ZNF563: variants seen among roughly 807,000 people sequenced by gnomAD.
The protein encoded by ZNF563 is zinc finger protein 563.
Under a neutral mutation model 48.5 loss-of-function variants are expected in ZNF563, and 39 were observed. The observed-to-expected ratio is 0.80, with a 90% CI of 0.62 to 1.05. The LOEUF (loss-of-function observed/expected upper bound fraction) is 1.05. ZNF563 is among the 50% of genes least tolerant of loss of function. The pLI, the probability that ZNF563 is intolerant of heterozygous loss-of-function variation, is 0.00. For synonymous variants in ZNF563, 168 were observed against 187.9 expected (o/e 0.89, Z 0.87); for missense variants, 538 against 597.0 (o/e 0.90, Z 1.03).
At chr19:12,343,959 G>A in the ZNF563 span, among the ~76,000 whole-genome samples, 2 of 151,934 alleles carry the variant, frequency 1.3e-5, no homozygotes, top group South Asian at 4.1e-4. Flanking sequence ...CTGATCTCCT[G>A]ACCTCGTGAT....
intron 1 of ZNF563, among the ~76,000 whole-genome samples, chr19:12,330,691 G>T (rs1001305257): frequency 6.6e-6 from 1 of 152,134 alleles, no homozygotes; most frequent in Non-Finnish European, 1.5e-5. Context: ...GGGACAAATT[G>T]TTATCTCCAG....
the ZNF563 span, among the ~76,000 whole-genome samples, chr19:12,341,642 A>G: frequency 1.3e-5 from 2 of 152,212 alleles, no homozygotes; most frequent in Non-Finnish European, 2.9e-5. Flanking sequence ...TTTATAAAAG[A>G]GTCAATACAT....
intron 1 of ZNF563, among the ~76,000 whole-genome samples, chr19:12,328,615 A>T (rs1407351517): frequency 2.0e-5 from 3 of 152,094 alleles, no homozygotes; most frequent in African/African-American, 4.8e-5. Flanking sequence ...TCTACTAAAA[A>T]TACAAATAGC....
upstream of ZNF563, among the ~76,000 whole-genome samples, chr19:12,336,791 A>G (rs1969025498): frequency 6.6e-6 from 1 of 152,052 alleles, no homozygotes; most frequent in Non-Finnish European, 1.5e-5. Flanking sequence ...GTGCCTGGGG[A>G]TGGACATGTC....
upstream of ZNF563, among the ~76,000 whole-genome samples, chr19:12,334,380 C>T (rs1968992614): frequency 6.6e-6 from 1 of 151,586 alleles, no homozygotes; most frequent in Non-Finnish European, 1.5e-5. Context: ...GGAGGCTAAA[C>T]ATATGCCCAA....
upstream of ZNF563, among the ~76,000 whole-genome samples, chr19:12,335,359 ACTC>A (rs1969006971): frequency 6.6e-6 from 1 of 151,850 alleles, no homozygotes; most frequent in Non-Finnish European, 1.5e-5. Context: ...AAAACATACT[ACTC>A]TAACTTTCCA....
At chr19:12,328,340 C>T (rs1232734983) in intron 1 of ZNF563, among the ~76,000 whole-genome samples, 1 of 152,136 alleles carries the variant, frequency 6.6e-6, no homozygotes, top group Non-Finnish European at 1.5e-5. Flanking sequence ...GGAGTGGTGG[C>T]ATGCACCTAT....
At chr19:12,329,101 G>A (rs1418650939) in intron 1 of ZNF563, among the ~76,000 whole-genome samples, 3 of 152,136 alleles carry the variant, frequency 2.0e-5, no homozygotes, top group Admixed American at 6.6e-5. Flanking sequence ...CTAGAGAATA[G>A]CAAGATTAAT....
At chr19:12,331,890 G>A (rs1013812849) in intron 1 of ZNF563, among the ~76,000 whole-genome samples, 5 of 152,222 alleles carry the variant, frequency 3.3e-5, no homozygotes, top group African/African-American at 1.2e-4. Context: ...TGTGCCCAGA[G>A]AAGATAAAAG....
chr19:12,334,084 C>G (rs1368324623), upstream of ZNF563, among the ~76,000 whole-genome samples: 1 of 152,122 alleles, frequency 6.6e-6, no homozygotes, highest in Non-Finnish European at 1.5e-5. Context: ...AGGAGGGTGG[C>G]CTGATGTCCA....
intron 2 of ZNF563, among the ~76,000 whole-genome samples, chr19:12,322,039 CT>C (rs538783089): frequency 1.6e-4 from 24 of 151,722 alleles, no homozygotes; most frequent in East Asian, 5.8e-4. Context: ...GATTAATCAA[CT>C]TTTTTTTATT....
the ZNF563 span, chr19:12,346,562 T>C: frequency 6.6e-6 from 1 of 152,238 alleles, no homozygotes; most frequent in African/African-American, 2.4e-5. Flanking sequence ...CCAATTATTC[T>C]GTGAACCAGC....
At chr19:12,333,959 C>A (rs886117669), upstream of ZNF563, among the ~76,000 whole-genome samples, 5 of 152,198 alleles carry the variant, frequency 3.3e-5, no homozygotes, top group African/African-American at 1.2e-4. Flanking sequence ...CCTTTTCCTC[C>A]TGGAGAAGGA....
intron 1 of ZNF563, among the ~76,000 whole-genome samples, chr19:12,327,433 C>G (rs1329224064): frequency 6.9e-6 from 1 of 144,534 alleles, no homozygotes; most frequent in East Asian, 2.0e-4. Context: ...GCATTCCAGC[C>G]TGGGCGACAG....
chr19:12,325,995 G>A (rs1968783790), intron 1 of ZNF563, among the ~76,000 whole-genome samples: 1 of 152,200 alleles, frequency 6.6e-6, no homozygotes, highest in Non-Finnish European at 1.5e-5. Context: ...GAAGGGGACA[G>A]AATCTGATTT....
intron 2 of ZNF563, 131 bp from the exon 3 acceptor site, chr19:12,321,463 G>C: frequency 2.0e-6 from 1 of 510,624 alleles, no homozygotes. Flanking sequence ...TTTGGGGGTG[G>C]AGGCAGAGTC....
At chr19:12,321,156 T>TA (rs996630186) in intron 3 of ZNF563, 116 bp downstream of exon 3, 38 of 757,730 alleles carry the variant, frequency 5.0e-5, no homozygotes, top group Non-Finnish European at 6.5e-5. Flanking sequence ...AAAGTTAATT[T>TA]AAAAAATTAA....
At chr19:12,345,682 C>T in the ZNF563 span, among the ~76,000 whole-genome samples, 1 of 152,020 alleles carries the variant, frequency 6.6e-6, no homozygotes, top group Non-Finnish European at 1.5e-5. Flanking sequence ...TTTGGGAGGC[C>T]GAGCAGATCA....
Position 12,323,741 on chromosome 19 carries a change from G to A in ZNF563, c.4-1030C>T, listed in dbSNP as rs956636858. ...TATAGGCACTGGGTCTCTAATGAGA[G>A]ACCCTGGTAGATAAAATTTCACATG... On this transcript the variant is annotated intron_variant, in intron 1 of 3. Coordinates refer to ENST00000293725, the MANE Select transcript of ZNF563 (RefSeq NM_145276.3). 6.6e-5 allele frequency among the ~76,000 whole-genome samples: 10 copies of A among 152,230 alleles called. No homozygotes were observed. The South Asian group carries it at 2.1e-3, about 32-fold the overall frequency.
Sources: allele counts gnomAD v4.1 joint callset (sites outside exome capture counted in the v4.1 genomes callset), GRCh38; gene constraint gnomAD v4.1.1; transcripts MANE v1.5; gene names NCBI Gene and HGNC (gene_info 2026-07-23, HGNC 2026-07-21).